ABCA9: variants seen among roughly 807,000 people sequenced by gnomAD.
ABCA9 encodes the protein ATP-binding cassette sub-family A member 9.
ABCA9 carries 183 observed loss-of-function variants against 205.3 expected under a neutral mutation model. That is an observed-to-expected ratio of 0.89 (90% confidence interval 0.79 to 1.01). ABCA9 has a LOEUF of 1.01. Ranked by LOEUF, ABCA9 falls within the 50% of genes least tolerant of loss-of-function variation. The probability of loss-of-function intolerance (pLI) is 0.00; values close to 1 mark genes in which losing one functional copy is unlikely to be tolerated. For missense variants in ABCA9, 1,805 were observed against 1,912.4 expected (o/e 0.94, Z 1.05); for synonymous variants, 651 against 683.3 (o/e 0.95, Z 0.74).
intron 16 of ABCA9, among the ~76,000 whole-genome samples, chr17:69,024,704 C>G (rs1028946051): frequency 6.6e-6 from 1 of 152,072 alleles, no homozygotes; most frequent in Non-Finnish European, 1.5e-5. Flanking sequence ...TGAGCTTTCC[C>G]TTTGTAGTAA....
At chr17:69,019,054 A>G (rs2144276345) in intron 19 of ABCA9, among the ~76,000 whole-genome samples, 1 of 152,042 alleles carries the variant, frequency 6.6e-6, no homozygotes, top group African/African-American at 2.4e-5. Flanking sequence ...CCTTAAGTTT[A>G]TTTTCTAATA....
chr17:69,028,896 A>G (rs1007862063), intron 11 of ABCA9, among the ~76,000 whole-genome samples: 4 of 152,212 alleles, frequency 2.6e-5, no homozygotes, highest in Non-Finnish European at 4.4e-5. Flanking sequence ...CAATAATACA[A>G]TTTTAGAGCT....
Position 69,033,872 on chromosome 17 carries a change from A to C in ABCA9, c.1130T>G (p.Leu377Arg). The C allele has an allele frequency of 6.3e-7, 1 of 1,585,912 alleles. No homozygotes were observed. Among genetic ancestry groups the C allele is most frequent in the Non-Finnish European group, 8.6e-7 (1 of 1,163,822 alleles). The change falls in exon 9 of 39, where the codon CTT becomes CGT. Residue 377 changes from leucine (L) to arginine (R), a missense_variant and splice_region_variant. By Grantham distance (102) the Leu-to-Arg change is moderately radical. Transcript: ENST00000340001. The stretch of plus-strand genomic sequence containing the variant: ...ATTCACATCATAGTCCAAATGTATA[A>C]GCTGAAAAAGAAAGATACAGTGAAT... Reference protein sequence around the residue: ...PFAFTVGMAQLIHLDYDVNSN... With the variant: ...PFAFTVGMAQRIHLDYDVNSN...
At chr17:68,994,062 G>A (rs568800358) in intron 26 of ABCA9, among the ~76,000 whole-genome samples, 2 of 152,192 alleles carry the variant, frequency 1.3e-5, no homozygotes, top group African/African-American at 4.8e-5. Context: ...TTTTAGTAGA[G>A]ATGGGGTTTC....
chr17:68,990,759 G>A (rs1296964408), intron 29 of ABCA9, 78 bp downstream of exon 29: 27 of 1,567,964 alleles, frequency 1.7e-5, no homozygotes, highest in South Asian at 7.1e-5. Context: ...AGTGTTTTTC[G>A]AAAACTAAAC....
chr17:68,995,435 T>C (rs1567923916), intron 26 of ABCA9, among the ~76,000 whole-genome samples: 1 of 152,204 alleles, frequency 6.6e-6, no homozygotes, highest in Non-Finnish European at 1.5e-5. Flanking sequence ...ACTCACCGCG[T>C]AGGTCATATT....
chr17:69,017,796 G>T lies in ABCA9; in HGVS notation c.2768-7C>A, dbSNP rs775423499. 6.2e-7 allele frequency: 1 copy of T among 1,611,126 alleles called. No homozygotes were observed. Among genetic ancestry groups the T allele is most frequent in the Non-Finnish European group, 8.5e-7 (1 of 1,178,542 alleles). On this transcript the variant is annotated splice_region_variant and splice_polypyrimidine_tract_variant and intron_variant, in intron 20 of 38. Transcript: ENST00000340001. The stretch of plus-strand genomic sequence containing the variant: ...AAGTTATCAATGGTTGACCCTACAT[G>T]AAGGCAAAGATTAAAGGAAGCAAAA...
At chr17:69,020,718 G>A in intron 18 of ABCA9, 132 bp from the exon 19 acceptor site, 1 of 654,830 alleles carries the variant, frequency 1.5e-6, no homozygotes, top group African/African-American at 1.8e-5. Flanking sequence ...TCTAATGTAT[G>A]ACATTATTAG....
In ABCA9 at chr17:69,051,014, T is replaced by C; in HGVS notation, c.96+17A>G. On this transcript the variant is annotated intron_variant, in intron 2 of 38. Transcript: ENST00000340001. The stretch of plus-strand genomic sequence containing the variant: ...TTCATCCTCTAAATATGAGAACACA[T>C]AGACTCTGAAGCATACCAACAAGGT... The C allele has an allele frequency of 6.2e-7, 1 of 1,609,892 alleles. No homozygotes were observed. The highest frequency in any genetic ancestry group is 8.5e-7 in the Non-Finnish European group (1 of 1,177,118).
At chr17:68,986,419 A>C (rs1015197071) in intron 31 of ABCA9, 95 bp from the exon 32 acceptor site, 1 of 1,251,284 alleles carries the variant, frequency 8.0e-7, no homozygotes, top group South Asian at 1.7e-5. Flanking sequence ...TTCTCTTCAC[A>C]CACACAGGTG....
intron 25 of ABCA9, among the ~76,000 whole-genome samples, chr17:69,001,559 G>C (rs942542903): frequency 2.0e-5 from 3 of 151,718 alleles, no homozygotes; most frequent in African/African-American, 7.3e-5. Flanking sequence ...GTGCATCAAG[G>C]ATATTGGTCT....
intron 6 of ABCA9, among the ~76,000 whole-genome samples, chr17:69,036,898 A>AAAAAAAG (rs2071359813): frequency 4.9e-5 from 6 of 121,554 alleles, no homozygotes; most frequent in African/African-American, 8.6e-5. Context: ...AAAAAAAAAA[A>AAAAAAAG]GCAGAGGTTG....
chr17:69,074,059 C>T, the ABCA9 span, among the ~76,000 whole-genome samples: 11 of 152,072 alleles, frequency 7.2e-5, no homozygotes, highest in African/African-American at 2.7e-4. Context: ...TTTCTTAGCT[C>T]TTGTGAAGAC....
In ABCA9 at chr17:68,990,940, TTGC is replaced by T; in HGVS notation, c.3731_3733del (p.Ser1244del). 1 of 1,610,668 alleles carries T rather than the reference TTGC, an allele frequency of 6.2e-7. No individual in the cohort carries two copies. Among genetic ancestry groups the T allele is most frequent in the Non-Finnish European group, 8.5e-7 (1 of 1,179,172 alleles). ...CTCTTCTGGGTTTGGAAAAATAGCGTTGCTTCTTGGAGAAATTCTGAAATCAAA... is the reference window on the plus strand; with the variant it reads ...CTCTTCTGGGTTTGGAAAAATAGCGTTTCTTGGAGAAATTCTGAAATCAAA... On this transcript the variant is annotated inframe_deletion, in exon 29 of 39. Transcript: ENST00000340001.
rs915607161 is a variant in ABCA9, at chr17:69,008,104, G to T, written c.3279C>A (p.Ser1093Arg). The change falls in exon 24 of 39, where the codon AGC (serine) becomes AGA (arginine). Residue 1093 changes from serine to arginine, a missense_variant. By Grantham distance (110) the Ser-to-Arg change is moderately radical. Coordinates refer to ENST00000340001, the MANE Select transcript of ABCA9 (RefSeq NM_080283.4). ...LLMQIMDYIF[S>R]PEEIIFIIQN... Reference sequence around the variant, plus strand: ...GAATTATAAATATAATCTCCTCTGGGCTAAAAATATAATCCATTATTTGCA... The same window carrying T: ...GAATTATAAATATAATCTCCTCTGGTCTAAAAATATAATCCATTATTTGCA... 7 of 1,612,810 alleles carry T rather than the reference G, an allele frequency of 4.3e-6. No homozygotes were observed. The highest frequency in any genetic ancestry group is 1.7e-5 in the Admixed American group (1 of 59,960).
At chr17:68,983,454 A>C (rs890328711) in intron 36 of ABCA9, among the ~76,000 whole-genome samples, 1 of 152,166 alleles carries the variant, frequency 6.6e-6, no homozygotes, top group Non-Finnish European at 1.5e-5. Flanking sequence ...ACCTAAGTGC[A>C]TGCATGCATC....
chr17:69,012,739 C>A (rs1331212062), intron 22 of ABCA9, among the ~76,000 whole-genome samples: 1 of 152,078 alleles, frequency 6.6e-6, no homozygotes, highest in Non-Finnish European at 1.5e-5. Context: ...TACAAACAAT[C>A]CAATTATACT....
chr17:68,994,950 C>T (rs1478396320), intron 26 of ABCA9, among the ~76,000 whole-genome samples: 2 of 152,168 alleles, frequency 1.3e-5, no homozygotes, highest in South Asian at 2.1e-4. Context: ...TTTTCTGCTA[C>T]GCTTTTTGCC....
the ABCA9 span, among the ~76,000 whole-genome samples, chr17:69,074,137 C>T: frequency 6.6e-6 from 1 of 152,086 alleles, no homozygotes; most frequent in African/African-American, 2.4e-5. Context: ...AACTATTCTA[C>T]CATCTTGCTC....
Sources: allele counts gnomAD v4.1 joint callset (sites outside exome capture counted in the v4.1 genomes callset), GRCh38; gene constraint gnomAD v4.1.1; transcripts MANE v1.5; gene names NCBI Gene and HGNC (gene_info 2026-07-23, HGNC 2026-07-21).